Variants in LRRC4C observed in about 807,000 individuals in gnomAD.
The protein encoded by LRRC4C is leucine-rich repeat-containing protein 4C.
In LRRC4C, 5 loss-of-function variants were observed where a neutral mutation model predicts 33.6. The ratio of observed to expected loss-of-function variants is 0.15; its 90% CI spans 0.08 to 0.31. LRRC4C has a LOEUF of 0.31. Ranked by LOEUF, LRRC4C falls within the 10% of genes least tolerant of loss-of-function variation. The pLI is 1.00. For synonymous variants in LRRC4C, 329 were observed against 302.0 expected (o/e 1.09, Z -0.93); for missense variants, 560 against 796.7 (o/e 0.70, Z 3.58).
intron 3 of LRRC4C, among the ~76,000 whole-genome samples, chr11:40,505,935 A>C (rs1482199863): frequency 1.3e-5 from 2 of 152,090 alleles, no homozygotes; most frequent in Non-Finnish European, 2.9e-5. Context: ...TACACATGGA[A>C]ATGTAGCCTT....
At chr11:41,120,259 T>C (rs1294477881) in intron 1 of LRRC4C, among the ~76,000 whole-genome samples, 1 of 152,192 alleles carries the variant, frequency 6.6e-6, no homozygotes, top group Non-Finnish European at 1.5e-5. Context: ...AATTTTCTTT[T>C]CATTCATCCA....
intron 1 of LRRC4C, among the ~76,000 whole-genome samples, chr11:40,972,565 T>C (rs764853407): frequency 1.3e-5 from 2 of 152,050 alleles, no homozygotes; most frequent in Non-Finnish European, 2.9e-5. Context: ...ATAAAGGAAA[T>C]AGGTTTAATT....
chr11:40,276,674 AGTGTGTGTGTGTGTGTGTGT>A lies in LRRC4C; in HGVS notation c.-175-35096_-175-35077del, dbSNP rs56155922. The stretch of plus-strand genomic sequence containing the variant: ...CCCGGAGATAAATTGGTGGGAAACA[AGTGTGTGTGTGTGTGTGTGT>A]GTGTGTGTGTGTGTGTGTGTGTGTG... On this transcript the variant is annotated intron_variant, in intron 4 of 6. Coordinates refer to ENST00000528697, the MANE Select transcript of LRRC4C (RefSeq NM_001258419.2). 1.9e-3 allele frequency among the ~76,000 whole-genome samples: 241 copies of A among 127,642 alleles called. 2 individuals are homozygous for A. Among genetic ancestry groups the A allele is most frequent in the African/African-American group, 6.3e-3 (212 of 33,616 alleles). 83.7% of individuals were successfully genotyped at this position (127,642 alleles called of 152,430 possible).
chr11:40,766,434 A>C (rs1390207333), intron 2 of LRRC4C, among the ~76,000 whole-genome samples: 1 of 151,368 alleles, frequency 6.6e-6, no homozygotes, highest in Non-Finnish European at 1.5e-5. Flanking sequence ...CTGGTAATAG[A>C]AAGTACATAG....
chr11:41,053,469 C>T (rs576947685), intron 1 of LRRC4C, among the ~76,000 whole-genome samples: 3 of 152,232 alleles, frequency 2.0e-5, no homozygotes, highest in East Asian at 3.9e-4. Flanking sequence ...AAAACCAAGA[C>T]GTAACTGACA....
chr11:40,382,347 C>G (rs1948915170), intron 3 of LRRC4C, among the ~76,000 whole-genome samples: 2 of 151,032 alleles, frequency 1.3e-5, no homozygotes, highest in Non-Finnish European at 1.5e-5. Context: ...ATGGCCTTTT[C>G]CTTTTTTTAA....
At chr11:40,130,665 G>C (rs531604428) in intron 6 of LRRC4C, among the ~76,000 whole-genome samples, 1 of 152,162 alleles carries the variant, frequency 6.6e-6, no homozygotes, top group South Asian at 2.1e-4. Context: ...ATGTCCCCTG[G>C]GGGGCAAAAC....
intron 1 of LRRC4C, among the ~76,000 whole-genome samples, chr11:41,076,357 A>G (rs1939149127): frequency 6.6e-6 from 1 of 152,166 alleles, no homozygotes; most frequent in South Asian, 2.1e-4. Flanking sequence ...ACTATCTAAG[A>G]CTGGGTAATT....
At chr11:40,988,177 A>C (rs759006950) in intron 1 of LRRC4C, among the ~76,000 whole-genome samples, 44 of 152,212 alleles carry the variant, frequency 2.9e-4, no homozygotes, top group Non-Finnish European at 1.0e-4. Context: ...GCTCCCCAGC[A>C]ACAATTATGC....
In LRRC4C at chr11:40,311,271, G is replaced by A. The variant is rs560962331; in HGVS notation, c.-176+8357C>T. Among the ~76,000 whole-genome samples the A allele has an allele frequency of 6.6e-5, 10 of 152,292 alleles. 1 individual carries two copies. In the South Asian group the frequency reaches 2.1e-3, roughly 32 times the overall value. On this transcript the variant is annotated intron_variant, in intron 4 of 6. Transcript: ENST00000528697. ...TCTATCTTTATGTTAATGTGCATCT[G>A]TTCCTCTTATCTCTACCATACTATT...
chr11:40,899,553 T>C (rs975415855), intron 2 of LRRC4C, among the ~76,000 whole-genome samples: 2 of 152,184 alleles, frequency 1.3e-5, no homozygotes, highest in African/African-American at 4.8e-5. Flanking sequence ...CTTCTGATTA[T>C]CTAGACAAAA....
chr11:40,768,479 C>A (rs1949591282), intron 2 of LRRC4C, among the ~76,000 whole-genome samples: 2 of 151,982 alleles, frequency 1.3e-5, no homozygotes, highest in East Asian at 1.9e-4. Flanking sequence ...CTACCCCACC[C>A]AAATTCATTC....
intron 3 of LRRC4C, among the ~76,000 whole-genome samples, chr11:40,348,532 C>T (rs1947240078): frequency 1.3e-5 from 2 of 152,096 alleles, no homozygotes; most frequent in South Asian, 4.1e-4. Context: ...TCCACTATTG[C>T]TGTCACTCTT....
At position 41,431,886 on chromosome 11, in the gene LRRC4C, T is replaced by C. The variant is rs1955249881; in HGVS notation, c.-496+27545A>G. Among the ~76,000 whole-genome samples the C allele has an allele frequency of 3.3e-5, 5 of 152,252 alleles. No individual in the cohort carries two copies. In the South Asian group the frequency reaches 1.0e-3, roughly 32 times the overall value. ...TATGGCCCACCTTAGGTTTTTGTGG[T>C]GGGCCATGCGCTCTGATTTTGTCCA... On this transcript the variant is annotated intron_variant, in intron 1 of 6. Coordinates refer to ENST00000528697, the MANE Select transcript of LRRC4C (RefSeq NM_001258419.2).
intron 2 of LRRC4C, among the ~76,000 whole-genome samples, chr11:40,933,338 T>C (rs1038768982): frequency 6.6e-6 from 1 of 152,230 alleles, no homozygotes; most frequent in Non-Finnish European, 1.5e-5. Flanking sequence ...AACCCCACAC[T>C]CACCAGTGAG....
At chr11:40,538,172 A>G (rs1234652591) in intron 3 of LRRC4C, among the ~76,000 whole-genome samples, 3 of 152,108 alleles carry the variant, frequency 2.0e-5, no homozygotes, top group Non-Finnish European at 4.4e-5. Context: ...AACATTCTCC[A>G]GGTGATTCTA....
At position 40,355,646 on chromosome 11, in the gene LRRC4C, C is replaced by A. The variant is rs189547091; in HGVS notation, c.-269-35925G>T. Among the ~76,000 whole-genome samples, 135 of 152,250 alleles carry A rather than the reference C, an allele frequency of 8.9e-4. 1 individual carries two copies. Among genetic ancestry groups the A allele is most frequent in the Non-Finnish European group, 1.6e-3 (108 of 68,008 alleles). On this transcript the variant is annotated intron_variant, in intron 3 of 6. Transcript: ENST00000528697. Reference sequence around the variant, plus strand: ...GTTCCACACACAATGCACTGTCCCTCCCGCAAGCACAGATTCTCTCTCTGC... The same window carrying A: ...GTTCCACACACAATGCACTGTCCCTACCGCAAGCACAGATTCTCTCTCTGC...
At chr11:40,748,433 G>A (rs527894762) in intron 2 of LRRC4C, among the ~76,000 whole-genome samples, 17 of 151,912 alleles carry the variant, frequency 1.1e-4, no homozygotes, top group Non-Finnish European at 2.1e-4. Flanking sequence ...TAAGTCGAAA[G>A]GACATTTACC....
At chr11:40,274,233 C>T (rs1204743221) in intron 4 of LRRC4C, among the ~76,000 whole-genome samples, 2 of 151,918 alleles carry the variant, frequency 1.3e-5, no homozygotes. Flanking sequence ...TGTGGGAAGT[C>T]AAAGGAGATT....
Sources: gnomAD v4.1 joint callset for allele counts (sites outside exome capture counted in the v4.1 genomes callset) on GRCh38, gnomAD v4.1.1 for gene constraint, MANE v1.5 for transcripts, NCBI Gene and HGNC (gene_info 2026-07-23, HGNC 2026-07-21) for gene names.